Variants in AATF observed in about 807,000 individuals in gnomAD.
AATF encodes apoptosis antagonizing transcription factor, also known as protein AATF.
AATF carries 48 observed loss-of-function variants against 63.7 expected under a neutral mutation model. That is an observed-to-expected ratio of 0.75 (90% CI 0.60 to 0.96). AATF has a LOEUF of 0.96. Among genes scored for constraint, AATF ranks in the 40% least tolerant of loss-of-function variants. AATF has a pLI of 0.00. For synonymous variants in AATF, 258 were observed against 247.7 expected, an observed-to-expected ratio of 1.04 and a Z score of -0.39; for missense variants, 639 against 685.7, an observed-to-expected ratio of 0.93 and a Z score of 0.76.
intron 4 of AATF, among the ~76,000 whole-genome samples, chr17:36,956,767 A>G (rs1301271775): frequency 6.6e-6 from 1 of 152,160 alleles, no homozygotes; most frequent in Non-Finnish European, 1.5e-5. Flanking sequence ...ACTTTAGGTC[A>G]AGAGTTTGAG....
At chr17:37,046,730 AACACACACACACAC>A (rs58296683) in intron 11 of AATF, among the ~76,000 whole-genome samples, 49 of 140,056 alleles carry the variant, frequency 3.5e-4, no homozygotes, top group East Asian at 1.3e-3. Flanking sequence ...GTGCTCCCCC[AACACACACACACAC>A]ACACACACAC....
intron 4 of AATF, 63 bp downstream of exon 4, chr17:36,953,970 A>T: frequency 1.3e-6 from 2 of 1,515,970 alleles, no homozygotes; most frequent in Non-Finnish European, 1.8e-6. Context: ...GACAGCTTTG[A>T]TTGAAGTGGA....
intron 4 of AATF, among the ~76,000 whole-genome samples, chr17:36,965,868 T>TTTTTTTC (rs1318045408): frequency 2.6e-5 from 4 of 151,900 alleles, no homozygotes; most frequent in Non-Finnish European, 2.9e-5. Flanking sequence ...GTCCAGCTAA[T>TTTTTTTC]TTTTTTCTTT....
chr17:37,021,063 C>T lies in AATF; in HGVS notation c.1547+49C>T, dbSNP rs753842743. 9.1e-6 allele frequency: 12 copies of T among 1,318,190 alleles called. No homozygotes were observed. In the South Asian group the frequency reaches 1.6e-4, roughly 17 times the overall value. 81.7% of individuals were successfully genotyped at this position (1,318,190 alleles called of 1,614,324 possible). On this transcript the variant is annotated intron_variant, in intron 10 of 11. Transcript: ENST00000619387. ...GTCAACATATATTGTATATGTATCT[C>T]GTCTCTTACATTCTGGCTGTTATGT...
intron 11 of AATF, among the ~76,000 whole-genome samples, chr17:37,037,813 T>G (rs1179848315): frequency 2.0e-5 from 3 of 152,172 alleles, no homozygotes; most frequent in Non-Finnish European, 4.4e-5. Flanking sequence ...GGGGTGGATT[T>G]CTCATCAGTG....
At chr17:36,951,397 T>C (rs2070853887) in intron 2 of AATF, among the ~76,000 whole-genome samples, 1 of 152,054 alleles carries the variant, frequency 6.6e-6, no homozygotes, top group Non-Finnish European at 1.5e-5. Context: ...TGAGTTTAGC[T>C]CTATAATTTA....
intron 11 of AATF, chr17:37,052,365 G>A (rs1196242474): frequency 6.6e-6 from 1 of 152,238 alleles, no homozygotes; most frequent in Non-Finnish European, 1.5e-5. Context: ...TTTATGCAGT[G>A]GAAGGCGGTC....
Position 37,020,955 on chromosome 17 carries a change from G to A in AATF, c.1488G>A (p.Lys496=). 6.2e-7 allele frequency: 1 copy of A among 1,611,692 alleles called. No individual in the cohort carries two copies. The highest frequency in any genetic ancestry group is 8.5e-7 in the Non-Finnish European group (1 of 1,178,902). Residue 496 remains lysine (K), a synonymous_variant, in exon 10 of 12, where the codon AAG becomes AAA. Transcript: ENST00000619387. ...AMGRQWLAIQ[K]LRSKIHKKVD... ...CCAGGCAGTGGCTTGCAATCCAGAA[G>A]TTACGAAGCAAAATCCACAAAAAAG...
At chr17:37,004,493 G>A (rs758623331) in intron 8 of AATF, among the ~76,000 whole-genome samples, 2 of 152,100 alleles carry the variant, frequency 1.3e-5, no homozygotes, top group East Asian at 1.9e-4. Context: ...AAATGATCCC[G>A]TAGAGAGGTA....
chr17:36,998,500 T>A (rs889983495), intron 8 of AATF: 2 of 152,246 alleles, frequency 1.3e-5, no homozygotes, highest in African/African-American at 2.4e-5. Context: ...TTTTCAAATC[T>A]ATATCTGTTT....
At chr17:36,954,009 T>A (rs1362634338) in intron 4 of AATF, 102 bp downstream of exon 4, 10 of 1,291,594 alleles carry the variant, frequency 7.7e-6, no homozygotes, top group Non-Finnish European at 1.1e-5. Flanking sequence ...TTTATTGTGC[T>A]TTCTTCTCAT....
chr17:36,980,239 A>T (rs2071111697), intron 4 of AATF: 1 of 152,206 alleles, frequency 6.6e-6, no homozygotes, highest in Non-Finnish European at 1.5e-5. Flanking sequence ...CAGGGCCCCT[A>T]ACCCCCAGTA....
chr17:37,054,517 G>C (rs1367887204), intron 11 of AATF: 2 of 152,172 alleles, frequency 1.3e-5, no homozygotes, highest in Non-Finnish European at 2.9e-5. Flanking sequence ...CAGCTTCCCA[G>C]GTTGCTTTGC....
intron 11 of AATF, among the ~76,000 whole-genome samples, chr17:37,046,488 G>A (rs534739690): frequency 1.3e-5 from 2 of 152,086 alleles, no homozygotes; most frequent in Admixed American, 6.5e-5. Context: ...AGGCCCCAGC[G>A]GTTCCTCTGT....
At chr17:36,997,375 A>G (rs189925264) in intron 8 of AATF, among the ~76,000 whole-genome samples, 1 of 152,358 alleles carries the variant, frequency 6.6e-6, no homozygotes, top group Non-Finnish European at 1.5e-5. Context: ...GCAAACTCAA[A>G]TCAGTAAGAA....
chr17:36,953,712 A>T (rs1306561642), intron 3 of AATF, 58 bp from the exon 4 acceptor site: 5 of 1,563,488 alleles, frequency 3.2e-6, no homozygotes, highest in Non-Finnish European at 3.5e-6. Flanking sequence ...CACCCCTGCC[A>T]CCTCACCCCC....
chr17:37,000,173 G>A (rs2142262190), intron 8 of AATF: 1 of 152,514 alleles, frequency 6.6e-6, no homozygotes, highest in East Asian at 1.9e-4. Flanking sequence ...ATCCAGGCAA[G>A]CGATGGCAGT....
At chr17:37,012,455 G>A (rs1392983130) in intron 8 of AATF, among the ~76,000 whole-genome samples, 1 of 152,196 alleles carries the variant, frequency 6.6e-6, no homozygotes, top group Non-Finnish European at 1.5e-5. Flanking sequence ...AAGTCTTGTG[G>A]GAGAGAGAGG....
chr17:37,044,197 A>G (rs971349885), intron 11 of AATF, among the ~76,000 whole-genome samples: 2 of 152,138 alleles, frequency 1.3e-5, no homozygotes, highest in Non-Finnish European at 2.9e-5. Context: ...CACTTCTTTA[A>G]TATACTTTCC....
Sources: gnomAD v4.1 joint callset for allele counts (sites outside exome capture counted in the v4.1 genomes callset) on GRCh38, gnomAD v4.1.1 for gene constraint, MANE v1.5 for transcripts, NCBI Gene and HGNC (gene_info 2026-07-23, HGNC 2026-07-21) for gene names.